Variants in IDE observed in about 807,000 individuals in gnomAD.
The protein encoded by IDE is insulin-degrading enzyme.
A neutral mutation model predicts 133.2 loss-of-function variants in IDE; 58 were observed. That is an observed-to-expected ratio of 0.44 (90% CI 0.35 to 0.54). The LOEUF (loss-of-function observed/expected upper bound fraction) is 0.54. IDE is among the 20% of genes least tolerant of loss of function. IDE has a pLI of 0.00. For synonymous variants in IDE, 396 were observed against 421.3 expected, an observed-to-expected ratio of 0.94 and a Z score of 0.73; for missense variants, 981 against 1,234.0, an observed-to-expected ratio of 0.79 and a Z score of 3.07.
intron 22 of IDE, 45 bp downstream of exon 22, chr10:92,461,146 A>G (rs904421083): frequency 1.0e-6 from 1 of 957,002 alleles, no homozygotes; most frequent in African/African-American, 1.6e-5. Flanking sequence ...CAGCCCTATA[A>G]TACTTTCATA....
chr10:92,471,954 TGGCA>T, intron 17 of IDE, among the ~76,000 whole-genome samples: 1 of 152,270 alleles, frequency 6.6e-6, no homozygotes, highest in South Asian at 2.1e-4. Flanking sequence ...GCTGGGTGCA[TGGCA>T]GGCAGTCAGT....
At chr10:92,511,102 CTTTTT>C (rs749758838) in intron 5 of IDE, among the ~76,000 whole-genome samples, 4 of 105,422 alleles carry the variant, frequency 3.8e-5, no homozygotes, top group Non-Finnish European at 7.8e-5. Flanking sequence ...AAAAAAAAAA[CTTTTT>C]TTTTTTTTTT....
At chr10:92,494,710 T>C (rs964470372) in intron 11 of IDE, among the ~76,000 whole-genome samples, 5 of 152,190 alleles carry the variant, frequency 3.3e-5, no homozygotes, top group Admixed American at 6.5e-5. Context: ...CATTTAAAAA[T>C]GTTTGGAGCG....
intron 1 of IDE, among the ~76,000 whole-genome samples, chr10:92,543,333 G>C (rs1050453486): frequency 6.6e-6 from 1 of 152,148 alleles, no homozygotes; most frequent in East Asian, 1.9e-4. Context: ...GATAGTGGTG[G>C]TATGAGCCCA....
chr10:92,501,042 G>GAA (rs1198437077), intron 11 of IDE, among the ~76,000 whole-genome samples: 1 of 113,244 alleles, frequency 8.8e-6, no homozygotes, highest in Non-Finnish European at 1.9e-5. Context: ...TCCTGTCTCA[G>GAA]AAAAAAAAAA....
chr10:92,529,267 T>C (rs1849787471), intron 4 of IDE, among the ~76,000 whole-genome samples: 2 of 152,194 alleles, frequency 1.3e-5, no homozygotes, highest in Admixed American at 1.3e-4. Flanking sequence ...GGCATACAAC[T>C]GTCATCAAAT....
At chr10:92,573,830 G>A in intron 1 of IDE, 92 bp downstream of exon 1, 4 of 881,418 alleles carry the variant, frequency 4.5e-6, no homozygotes, top group African/African-American at 1.8e-5. Flanking sequence ...CAGCGGTGGC[G>A]GCTTTAAGTG....
intron 11 of IDE, among the ~76,000 whole-genome samples, chr10:92,501,702 C>T (rs1349506491): frequency 5.3e-5 from 8 of 150,246 alleles, no homozygotes; most frequent in Admixed American, 6.6e-5. Flanking sequence ...AGGCCGGGAA[C>T]GGTGACTCAC....
Position 92,508,137 on chromosome 10 carries a change from C to T in IDE, c.1129G>A (p.Val377Met), listed in dbSNP as rs1380270786. Reference protein sequence around the residue: ...ARGFMFFIINVDLTEEGLLHV... With the variant: ...ARGFMFFIINMDLTEEGLLHV... ...CATAATCCTTCCTCGGTCAAGTCCA[C>T]ATTAATGATAAAAAACATAAAACCT... is the stretch of plus-strand genomic sequence containing the variant. Residue 377 changes from valine to methionine, a missense_variant, in exon 8 of 25, where the codon GTG (valine) becomes ATG (methionine). Physicochemically the swap from Val to Met is conservative, Grantham distance 21. Coordinates refer to ENST00000265986, the MANE Select transcript of IDE (RefSeq NM_004969.4). The T allele has an allele frequency of 1.2e-6, 2 of 1,613,304 alleles. No homozygotes were observed. Among genetic ancestry groups the T allele is most frequent in the African/African-American group, 2.7e-5 (2 of 74,896 alleles).
intron 11 of IDE, among the ~76,000 whole-genome samples, chr10:92,498,629 C>T (rs1443335074): frequency 3.3e-5 from 5 of 152,136 alleles, no homozygotes; most frequent in Admixed American, 3.3e-4. Context: ...TGGTGGCAGG[C>T]ACCTGTAATC....
At position 92,454,277 on chromosome 10, in the gene IDE, GTAATTTACTTTGGATT is replaced by G; in HGVS notation, c.*151_*166del. The stretch of plus-strand genomic sequence containing the variant: ...AAATATTCTACATCTATAAGATTTT[GTAATTTACTTTGGATT>G]TATAATATTTCTACATAATGACATT... On this transcript the variant is annotated 3_prime_UTR_variant, in exon 25 of 25. Coordinates refer to ENST00000265986, the MANE Select transcript of IDE (RefSeq NM_004969.4). The G allele has an allele frequency of 1.9e-6, 1 of 523,082 alleles. No homozygotes were observed. Among genetic ancestry groups the G allele is most frequent in the Non-Finnish European group, 3.4e-6 (1 of 291,880 alleles). The allele number at this position is 523,082 out of a possible 1,614,324, so 32.4% of individuals were successfully genotyped here.
chr10:92,560,147 C>T (rs1230124143), intron 1 of IDE, among the ~76,000 whole-genome samples: 5 of 152,110 alleles, frequency 3.3e-5, no homozygotes. Context: ...TATGTTGTTG[C>T]CATATAATAA....
At chr10:92,464,662 A>G (rs915995812) in intron 20 of IDE, among the ~76,000 whole-genome samples, 8 of 152,158 alleles carry the variant, frequency 5.3e-5, no homozygotes, top group African/African-American at 1.9e-4. Context: ...TATCTTCAAC[A>G]TAGCCATTCA....
At chr10:92,535,491 G>A (rs1463153936) in intron 2 of IDE, among the ~76,000 whole-genome samples, 1 of 152,044 alleles carries the variant, frequency 6.6e-6, no homozygotes, top group East Asian at 1.9e-4. Context: ...CCACTCTACT[G>A]GCTGTGAAAC....
chr10:92,554,765 T>C (rs1432774449), intron 1 of IDE: 2 of 152,122 alleles, frequency 1.3e-5, no homozygotes, highest in African/African-American at 2.4e-5. Flanking sequence ...AAGAATTGCT[T>C]GAACCTGGGA....
chr10:92,513,631 T>G (rs1848743873), intron 5 of IDE, among the ~76,000 whole-genome samples: 1 of 149,472 alleles, frequency 6.7e-6, no homozygotes, highest in African/African-American at 2.4e-5. Context: ...TTTTAAAAAT[T>G]ATATTCTTAT....
intron 4 of IDE, among the ~76,000 whole-genome samples, chr10:92,524,393 A>ATAT (rs1849439765): frequency 3.2e-5 from 3 of 94,944 alleles, no homozygotes; most frequent in South Asian, 2.5e-4. Context: ...AATATATTTT[A>ATAT]TATAATATAT....
rs1283509111 is a variant in IDE, at chr10:92,451,769, T to C, written c.*2675A>G. On this transcript the variant is annotated 3_prime_UTR_variant, in exon 25 of 25. Coordinates refer to ENST00000265986, the MANE Select transcript of IDE (RefSeq NM_004969.4). ...TCTTGAAATGCCTGCCTGAGCCAACTGGCCACTATATGAGTAGAAAAATTA... is the reference window on the plus strand; with the variant it reads ...TCTTGAAATGCCTGCCTGAGCCAACCGGCCACTATATGAGTAGAAAAATTA... 1 of 152,262 alleles carries C rather than the reference T, an allele frequency of 6.6e-6. No homozygotes were observed. The highest frequency in any genetic ancestry group is 1.5e-5 in the Non-Finnish European group (1 of 68,088). 9.4% of individuals were successfully genotyped at this position (152,262 alleles called of 1,614,324 possible). A position where few individuals can be genotyped will look rare whatever the true frequency, so the allele number is the denominator to read the frequency against.
At chr10:92,514,880 T>G in intron 5 of IDE, 40 bp downstream of exon 5, 1 of 1,557,478 alleles carries the variant, frequency 6.4e-7, no homozygotes, top group South Asian at 1.2e-5. Flanking sequence ...ATTAAAAACT[T>G]ATATTATCCA....
Sources: gnomAD v4.1 joint callset for allele counts (sites outside exome capture counted in the v4.1 genomes callset) on GRCh38, gnomAD v4.1.1 for gene constraint, MANE v1.5 for transcripts, NCBI Gene and HGNC (gene_info 2026-07-23, HGNC 2026-07-21) for gene names.